Variants in CTNNA2 observed in about 807,000 individuals in gnomAD.
CTNNA2 encodes the protein catenin alpha-2.
CTNNA2 carries 42 observed loss-of-function variants against 101.0 expected under a neutral mutation model. The observed-to-expected ratio is 0.42, with a 90% CI of 0.32 to 0.54. The LOEUF (loss-of-function observed/expected upper bound fraction) is 0.54. Ranked by LOEUF, CTNNA2 falls within the 20% of genes least tolerant of loss-of-function variation. The probability of loss-of-function intolerance (pLI) is 0.14; values close to 1 mark genes in which losing one functional copy is unlikely to be tolerated. For synonymous variants in CTNNA2, 450 were observed against 456.4 expected, an observed-to-expected ratio of 0.99 and a Z score of 0.18; for missense variants, 871 against 1,223.1, an observed-to-expected ratio of 0.71 and a Z score of 4.29.
intron 7 of CTNNA2, among the ~76,000 whole-genome samples, chr2:79,927,424 G>A (rs1159504417): frequency 2.6e-5 from 4 of 152,086 alleles, no homozygotes; most frequent in Non-Finnish European, 5.9e-5. Flanking sequence ...AGTACAGATG[G>A]AAGACAATGG....
intron 3 of CTNNA2, among the ~76,000 whole-genome samples, chr2:79,802,511 A>G (rs1388377250): frequency 6.6e-6 from 1 of 152,158 alleles, no homozygotes; most frequent in Non-Finnish European, 1.5e-5. Context: ...AAGTGACCCC[A>G]AGGTTACAAA....
intron 7 of CTNNA2, among the ~76,000 whole-genome samples, chr2:80,195,640 G>A (rs1706779660): frequency 6.8e-6 from 1 of 147,170 alleles, no homozygotes; most frequent in African/African-American, 2.5e-5. Context: ...TAGAATAGAA[G>A]CAATATGATT....
intron 2 of CTNNA2, among the ~76,000 whole-genome samples, chr2:79,267,207 A>G (rs962463722): frequency 6.6e-6 from 1 of 152,136 alleles, no homozygotes; most frequent in Non-Finnish European, 1.5e-5. Context: ...AGTCTAAGGA[A>G]AAGACTTCAT....
At chr2:80,619,041 GCTCT>G (rs1179003030) in intron 17 of CTNNA2, 40 bp from the exon 18 acceptor site, 2 of 938,768 alleles carry the variant, frequency 2.1e-6, no homozygotes, top group Non-Finnish European at 2.7e-6. Context: ...TTTTTCTTTT[GCTCT>G]CTCTCTCATT....
chr2:79,702,049 A>G (rs796145234), intron 2 of CTNNA2, among the ~76,000 whole-genome samples: 3 of 149,334 alleles, frequency 2.0e-5, no homozygotes, highest in African/African-American at 7.4e-5. Flanking sequence ...GTATTGCAAG[A>G]GAGGTAACAA....
At chr2:79,287,717 C>T (rs1478660671) in intron 2 of CTNNA2, among the ~76,000 whole-genome samples, 2 of 151,644 alleles carry the variant, frequency 1.3e-5, no homozygotes, top group East Asian at 1.9e-4. Context: ...CTGTGCCCTG[C>T]CCCCAGAGGT....
chr2:80,541,357 TC>T (rs1388234068), intron 9 of CTNNA2, among the ~76,000 whole-genome samples: 1 of 152,136 alleles, frequency 6.6e-6, no homozygotes. Flanking sequence ...GATTTATGGA[TC>T]AGTACAATTA....
chr2:79,936,828 G>T (rs1687825010), intron 7 of CTNNA2, among the ~76,000 whole-genome samples: 1 of 152,156 alleles, frequency 6.6e-6, no homozygotes, highest in South Asian at 2.1e-4. Context: ...GGCCTGTGCA[G>T]ATGAAGAGTC....
intron 1 of CTNNA2, among the ~76,000 whole-genome samples, chr2:79,584,361 T>A (rs2103926770): frequency 6.6e-6 from 1 of 152,188 alleles, no homozygotes; most frequent in South Asian, 2.1e-4. Flanking sequence ...GTAGTTGTGG[T>A]GATTTTTTTT....
At chr2:80,069,716 G>C (rs188095293) in intron 7 of CTNNA2, among the ~76,000 whole-genome samples, 126 of 152,306 alleles carry the variant, frequency 8.3e-4, no homozygotes, top group African/African-American at 2.8e-3. Flanking sequence ...GTGTGTGTGT[G>C]TGTGTATAAA....
chr2:79,470,677 T>A (rs1303563259), intron 4 of CTNNA2, among the ~76,000 whole-genome samples: 7 of 152,246 alleles, frequency 4.6e-5, no homozygotes, highest in Non-Finnish European at 8.8e-5. Flanking sequence ...GAATCATAGA[T>A]GAATCACTTC....
At chr2:80,597,543 C>A (rs1270405009) in intron 15 of CTNNA2, among the ~76,000 whole-genome samples, 2 of 152,112 alleles carry the variant, frequency 1.3e-5, no homozygotes, top group African/African-American at 4.8e-5. Flanking sequence ...AGGCAACCTA[C>A]AGAATGGGAT....
chr2:80,326,041 A>G (rs970214440), intron 7 of CTNNA2, among the ~76,000 whole-genome samples: 12 of 152,214 alleles, frequency 7.9e-5, no homozygotes, highest in Non-Finnish European at 1.8e-4. Context: ...AAAATCTGGA[A>G]GCAATGACTA....
Position 79,265,603 on chromosome 2 carries a change from T to G in CTNNA2, c.-405-47106T>G, listed in dbSNP as rs1212245512. Reference sequence around the variant, plus strand: ...GAGAAAAATGACATGAATACAAAATTCAATGAGGCTTGAGGCATCTCAAAG... The same window carrying G: ...GAGAAAAATGACATGAATACAAAATGCAATGAGGCTTGAGGCATCTCAAAG... On this transcript the variant is annotated intron_variant, in intron 2 of 21. Transcript: ENST00000466387. 2.0e-5 allele frequency among the ~76,000 whole-genome samples: 3 copies of G among 152,270 alleles called. No homozygotes were observed. The East Asian group carries it at 5.8e-4, about 29-fold the overall frequency.
chr2:80,485,221 C>T (rs538875378), intron 9 of CTNNA2, among the ~76,000 whole-genome samples: 2 of 152,182 alleles, frequency 1.3e-5, no homozygotes, highest in South Asian at 4.1e-4. Context: ...TTCTAGGAAA[C>T]TTTGATCAGA....
chr2:79,996,286 C>T (rs1453987899), intron 7 of CTNNA2, among the ~76,000 whole-genome samples: 6 of 152,158 alleles, frequency 3.9e-5, no homozygotes, highest in East Asian at 1.9e-4. Context: ...AGACACACGG[C>T]ATAAACAGCA....
chr2:79,452,229 C>T (rs1355779949), intron 4 of CTNNA2, among the ~76,000 whole-genome samples: 1 of 152,056 alleles, frequency 6.6e-6, no homozygotes, highest in African/African-American at 2.4e-5. Context: ...TTGATTGAGA[C>T]ACAAGTTTCA....
At chr2:79,445,486 G>A (rs1678823003) in intron 4 of CTNNA2, among the ~76,000 whole-genome samples, 1 of 152,128 alleles carries the variant, frequency 6.6e-6, no homozygotes, top group African/African-American at 2.4e-5. Context: ...TTAAATAATA[G>A]CTTAAAGCCT....
At chr2:79,330,568 C>T (rs1347233341) in intron 3 of CTNNA2, among the ~76,000 whole-genome samples, 3 of 152,070 alleles carry the variant, frequency 2.0e-5, no homozygotes, top group Non-Finnish European at 2.9e-5. Context: ...TGGCTGTGTC[C>T]CCACCCAAAT....
Sources: allele counts gnomAD v4.1 joint callset (sites outside exome capture counted in the v4.1 genomes callset), GRCh38; gene constraint gnomAD v4.1.1; transcripts MANE v1.5; gene names NCBI Gene and HGNC (gene_info 2026-07-23, HGNC 2026-07-21).